TBC1D31: variants seen among roughly 807,000 people sequenced by gnomAD.
TBC1D31 encodes TBC1 domain family member 31, also known as WD repeat domain 67.
A neutral mutation model predicts 132.9 loss-of-function variants in TBC1D31; 99 were observed. That is an observed-to-expected ratio of 0.74 (90% CI 0.63 to 0.88). The LOEUF is 0.88. Ranked by LOEUF, TBC1D31 falls within the 40% of genes least tolerant of loss-of-function variation. The probability of loss-of-function intolerance (pLI) is 0.00; values close to 1 mark genes in which losing one functional copy is unlikely to be tolerated. For missense variants in TBC1D31, 1,134 were observed against 1,256.6 expected (o/e 0.90, Z 1.48); for synonymous variants, 385 against 419.4 (o/e 0.92, Z 1.00).
At chr8:123,132,403 C>CTTTTTTTTTTTT (rs34901750) in intron 16 of TBC1D31, among the ~76,000 whole-genome samples, 1 of 55,442 alleles carries the variant, frequency 1.8e-5, no homozygotes, top group African/African-American at 7.2e-5. Context: ...TTTTTTAAGT[C>CTTTTTTTTTTTT]TTTTTTTTTT....
chr8:123,112,605 T>C (rs779371916), intron 10 of TBC1D31, among the ~76,000 whole-genome samples: 34 of 152,222 alleles, frequency 2.2e-4, no homozygotes, highest in Non-Finnish European at 1.0e-4. Context: ...CACCATTATT[T>C]ATTTGGCCTG....
intron 10 of TBC1D31, 115 bp from the exon 11 acceptor site, chr8:123,119,940 A>G: frequency 2.4e-6 from 2 of 840,678 alleles, no homozygotes; most frequent in Non-Finnish European, 3.5e-6. Flanking sequence ...GGTGAACTAG[A>G]TGATAGGGGT....
At chr8:123,155,127 G>A (rs1464596708), downstream of TBC1D31, among the ~76,000 whole-genome samples, 2 of 152,138 alleles carry the variant, frequency 1.3e-5, no homozygotes, top group Non-Finnish European at 2.9e-5. This position sits in a 1 kb window ranked among gnomAD's most constrained non-coding sequence, Gnocchi z 4.1. Flanking sequence ...GAATTTCCCT[G>A]GCATGATGTG....
intron 1 of TBC1D31, among the ~76,000 whole-genome samples, chr8:123,075,973 T>G (rs572585439): frequency 1.2e-4 from 18 of 152,336 alleles, no homozygotes; most frequent in Non-Finnish European, 1.5e-5. Context: ...GAAAATAGTA[T>G]GTAATCATTA....
At chr8:123,117,891 A>G (rs1273050148) in intron 10 of TBC1D31, among the ~76,000 whole-genome samples, 2 of 152,090 alleles carry the variant, frequency 1.3e-5, no homozygotes, top group East Asian at 1.9e-4. Flanking sequence ...TAGCACCACT[A>G]CACTCCAGCC....
At chr8:123,074,309 C>T (rs777100159) in intron 1 of TBC1D31, among the ~76,000 whole-genome samples, 1 of 152,282 alleles carries the variant, frequency 6.6e-6, no homozygotes, top group African/African-American at 2.4e-5. Context: ...CGTAAGCCAC[C>T]GCGCCTGGCC....
At chr8:123,098,255 T>C (rs2130303937) in intron 6 of TBC1D31, among the ~76,000 whole-genome samples, 1 of 152,320 alleles carries the variant, frequency 6.6e-6, no homozygotes, top group East Asian at 1.9e-4. Context: ...TATAGTGTTA[T>C]GTTTTTCCCA....
In TBC1D31 at chr8:123,072,792, A is replaced by C; in HGVS notation, c.23A>C (p.Asn8Thr). Residue 8 changes from asparagine (N) to threonine (T), a missense_variant, in exon 1 of 22, where the codon AAC (asparagine) becomes ACC (threonine). Physicochemically the swap from Asn to Thr is moderately conservative, Grantham distance 65. Coordinates refer to ENST00000287380, the MANE Select transcript of TBC1D31 (RefSeq NM_145647.4). ...GCCATGCAGAGCACTGACCTAGGCA[A>C]CAAGGAGAGCGGCAAGATATGGCAC... MQSTDLG[N>T]KESGKIWHRK... is the part of the protein sequence containing the mutation. 1 of 1,572,452 alleles carries C rather than the reference A, an allele frequency of 6.4e-7. No homozygotes were observed. The highest frequency in any genetic ancestry group is 2.4e-5 in the East Asian group (1 of 42,510).
intron 19 of TBC1D31, 41 bp downstream of exon 19, chr8:123,142,497 A>AT (rs35381039): frequency 0.13 from 148,021 of 1,097,498 alleles, 3,200 homozygotes; most frequent in African/African-American, 0.33. Context: ...TCAAGCATTG[A>AT]TTTTTTTTTT....
chr8:123,090,469 G>A (rs1406544125), intron 4 of TBC1D31, among the ~76,000 whole-genome samples: 1 of 152,128 alleles, frequency 6.6e-6, no homozygotes, highest in Admixed American at 6.6e-5. Flanking sequence ...GATTACTGTG[G>A]TTCAGCAGGT....
intron 11 of TBC1D31, chr8:123,123,783 CT>C (rs1819724832): frequency 6.6e-6 from 1 of 152,292 alleles, no homozygotes; most frequent in East Asian, 1.9e-4. Flanking sequence ...AAATGTAAGG[CT>C]CCAGAACATT....
At chr8:123,142,829 T>C (rs1426048771) in intron 19 of TBC1D31, among the ~76,000 whole-genome samples, 1 of 152,254 alleles carries the variant, frequency 6.6e-6, no homozygotes, top group African/African-American at 2.4e-5. Context: ...CCTGGATTTT[T>C]GTTCTGGCTG....
At chr8:123,158,995 G>A in the TBC1D31 span, among the ~76,000 whole-genome samples, 1 of 152,176 alleles carries the variant, frequency 6.6e-6, no homozygotes. Flanking sequence ...ACGCACCGGC[G>A]GGAATCCGAC....
chr8:123,093,954 CTTTT>C (rs778770695), intron 5 of TBC1D31, among the ~76,000 whole-genome samples: 1 of 151,108 alleles, frequency 6.6e-6, no homozygotes, highest in Non-Finnish European at 1.5e-5. Flanking sequence ...AGAATTTCTT[CTTTT>C]TTTTTGTTTG....
intron 2 of TBC1D31, among the ~76,000 whole-genome samples, chr8:123,081,859 A>G (rs1815188463): frequency 7.8e-6 from 1 of 128,770 alleles, no homozygotes; most frequent in Admixed American, 8.1e-5. Context: ...TGATTCAATT[A>G]TCTCCCACTG....
At position 123,102,463 on chromosome 8, in the gene TBC1D31, A is replaced by G. The variant is rs1172444566; in HGVS notation, c.1032+1456A>G. The G allele has an allele frequency of 2.1e-5, 7 of 333,084 alleles. No individual in the cohort carries two copies. The Admixed American group carries it at 2.5e-4, about 12-fold the overall frequency. The allele number at this position is 333,084 out of a possible 1,614,324, so 20.6% of individuals were successfully genotyped here. ...GCAGAAAAAAATAAGAATGTACAGA[A>G]TAGCAAACAGACAAATACAAATCAC... On this transcript the variant is annotated intron_variant, in intron 7 of 21. Transcript: ENST00000287380.
chr8:123,153,234 C>G (rs769885040), downstream of TBC1D31, among the ~76,000 whole-genome samples: 3 of 152,134 alleles, frequency 2.0e-5, no homozygotes, highest in African/African-American at 7.2e-5. Flanking sequence ...GAATTGCCTG[C>G]TCACCGGAAA....
chr8:123,157,022 G>A (rs1823009888), downstream of TBC1D31, among the ~76,000 whole-genome samples: 1 of 152,228 alleles, frequency 6.6e-6, no homozygotes, highest in Non-Finnish European at 1.5e-5. Flanking sequence ...GAGCAGTCGG[G>A]GACTGCTCCA....
chr8:123,089,679 G>T (rs1817791183), intron 4 of TBC1D31, among the ~76,000 whole-genome samples: 1 of 152,248 alleles, frequency 6.6e-6, no homozygotes, highest in East Asian at 1.9e-4. Context: ...CTGTGCTGCA[G>T]CCTGGGCGAC....
Sources: gnomAD v4.1 joint callset for allele counts (sites outside exome capture counted in the v4.1 genomes callset) on GRCh38, gnomAD v4.1.1 for gene constraint, Gnocchi (gnomAD v3.1) non-coding constraint, MANE v1.5 for transcripts, NCBI Gene and HGNC (gene_info 2026-07-23, HGNC 2026-07-21) for gene names.